The following CSMD1 variants were observed in gnomAD, a reference collection of about 807,000 sequenced individuals.
CSMD1 encodes the protein CUB and sushi domain-containing protein 1.
CSMD1 carries 213 observed loss-of-function variants against 417.5 expected under a neutral mutation model. The observed-to-expected ratio is 0.51, with a 90% CI of 0.46 to 0.57. The LOEUF (loss-of-function observed/expected upper bound fraction) is 0.57, where lower values mean the gene tolerates loss of function less well. Among genes scored for constraint, CSMD1 ranks in the 20% least tolerant of loss-of-function variants. The pLI is 0.00. For missense variants in CSMD1, 6,923 were observed against 4,529.7 expected, an observed-to-expected ratio of 1.53 and a Z score of -15.17; for synonymous variants, 2,862 against 1,736.8, an observed-to-expected ratio of 1.65 and a Z score of -16.11.
intron 3 of CSMD1, among the ~76,000 whole-genome samples, chr8:4,214,082 C>G (rs1049530233): frequency 2.0e-5 from 3 of 152,146 alleles, no homozygotes; most frequent in African/African-American, 4.8e-5. Flanking sequence ...ACTGAATTAT[C>G]CAGCATCTTA....
chr8:3,145,174 G>T (rs1818769657), intron 40 of CSMD1, among the ~76,000 whole-genome samples: 1 of 152,040 alleles, frequency 6.6e-6, no homozygotes, highest in Non-Finnish European at 1.5e-5. Context: ...TCCCAATCAG[G>T]CGGAATCAAG....
chr8:3,804,073 T>G (rs1433372932), intron 5 of CSMD1, among the ~76,000 whole-genome samples: 2 of 152,042 alleles, frequency 1.3e-5, no homozygotes, highest in Non-Finnish European at 2.9e-5. Context: ...ATTACAGACG[T>G]GCACCACCAC....
At chr8:3,733,339 G>A (rs1393964916) in intron 6 of CSMD1, among the ~76,000 whole-genome samples, 12 of 145,084 alleles carry the variant, frequency 8.3e-5, no homozygotes, top group African/African-American at 3.0e-4. Context: ...TATATACACA[G>A]ACATATATAT....
intron 4 of CSMD1, among the ~76,000 whole-genome samples, chr8:4,013,623 T>C (rs1209679422): frequency 1.3e-5 from 2 of 152,206 alleles, no homozygotes; most frequent in African/African-American, 4.8e-5. Flanking sequence ...CTCATTTGCT[T>C]ATTTATGTTA....
intron 2 of CSMD1, among the ~76,000 whole-genome samples, chr8:4,440,280 T>C (rs1798391557): frequency 6.6e-6 from 1 of 152,214 alleles, no homozygotes; most frequent in South Asian, 2.1e-4. Flanking sequence ...GCTCACAGCA[T>C]TGGTACTATA....
At chr8:3,829,905 G>A (rs956720018) in intron 5 of CSMD1, among the ~76,000 whole-genome samples, 1 of 151,918 alleles carries the variant, frequency 6.6e-6, no homozygotes, top group Non-Finnish European at 1.5e-5. Flanking sequence ...TAGATCTATT[G>A]GGAAAATGAA....
At chr8:3,295,808 T>C (rs1320727776) in intron 25 of CSMD1, among the ~76,000 whole-genome samples, 1 of 152,194 alleles carries the variant, frequency 6.6e-6, no homozygotes, top group Non-Finnish European at 1.5e-5. Context: ...TTAAATTACT[T>C]TCCCTGATCA....
chr8:3,748,828 T>C (rs1797179933), intron 6 of CSMD1, among the ~76,000 whole-genome samples: 1 of 152,220 alleles, frequency 6.6e-6, no homozygotes, highest in Non-Finnish European at 1.5e-5. Context: ...TAGGGAACTA[T>C]AACCTAAAAA....
At chr8:4,454,872 T>G (rs973632476) in intron 2 of CSMD1, among the ~76,000 whole-genome samples, 1 of 152,178 alleles carries the variant, frequency 6.6e-6, no homozygotes, top group Non-Finnish European at 1.5e-5. Flanking sequence ...AAACTTAATC[T>G]AAATGGCGTC....
At chr8:4,841,475 A>C (rs1382837033) in intron 1 of CSMD1, among the ~76,000 whole-genome samples, 1 of 152,222 alleles carries the variant, frequency 6.6e-6, no homozygotes, top group Non-Finnish European at 1.5e-5. Flanking sequence ...AAACTAGCAA[A>C]GGAAATACCA....
rs118010868 is a variant in CSMD1 at position 4,458,396 on chromosome 8, T to G, written c.303-38331A>C. Among the ~76,000 whole-genome samples, 723 of 152,238 alleles carry G rather than the reference T, an allele frequency of 4.7e-3. 4 individuals are homozygous for G. Among genetic ancestry groups the G allele is most frequent in the Non-Finnish European group, 7.9e-3 (540 of 68,018 alleles). On this transcript the variant is annotated intron_variant, in intron 2 of 69. Transcript: ENST00000635120. ...TTATAAACCTAAAGTTATTACAAGTTTATGGGGATTATTGGCAGTGATTTT... is the reference window on the plus strand; with the variant it reads ...TTATAAACCTAAAGTTATTACAAGTGTATGGGGATTATTGGCAGTGATTTT...
chr8:3,673,067 A>G (rs757390652), intron 7 of CSMD1, among the ~76,000 whole-genome samples: 13 of 152,222 alleles, frequency 8.5e-5, no homozygotes, highest in Non-Finnish European at 1.8e-4. Flanking sequence ...TATGATTGAT[A>G]TACTGTAAAT....
chr8:4,237,934 GAGA>G (rs1802164824), intron 3 of CSMD1, among the ~76,000 whole-genome samples: 1 of 152,164 alleles, frequency 6.6e-6, no homozygotes, highest in Admixed American at 6.5e-5. Flanking sequence ...CTCACTGGCG[GAGA>G]AGCAGAGTCT....
chr8:3,548,563 G>C (rs1344388486), intron 10 of CSMD1, among the ~76,000 whole-genome samples: 2 of 151,588 alleles, frequency 1.3e-5, no homozygotes, highest in Middle Eastern at 3.4e-3. Flanking sequence ...TTCCATTCCT[G>C]AGTTACTTCA....
intron 3 of CSMD1, among the ~76,000 whole-genome samples, chr8:4,168,325 G>C (rs1443955096): frequency 1.3e-5 from 2 of 151,858 alleles, no homozygotes; most frequent in African/African-American, 2.4e-5. Context: ...GAGACCAAAA[G>C]GTCAAGGCTA....
intron 3 of CSMD1, among the ~76,000 whole-genome samples, chr8:4,076,816 G>C (rs950863098): frequency 1.3e-5 from 2 of 152,130 alleles, no homozygotes; most frequent in Non-Finnish European, 2.9e-5. Flanking sequence ...CGCAAGGCCA[G>C]CCATGCCTTT....
chr8:3,192,977 C>T (rs1472439135), intron 33 of CSMD1, among the ~76,000 whole-genome samples: 3 of 151,788 alleles, frequency 2.0e-5, no homozygotes, highest in African/African-American at 7.3e-5. Context: ...CCACAGTCAT[C>T]TCAAGGATCT....
Position 3,316,990 on chromosome 8 carries a change from A to G in CSMD1, c.3632-8487T>C, listed in dbSNP as rs145592657. Among the ~76,000 whole-genome samples, 26 of 152,276 alleles carry G rather than the reference A, an allele frequency of 1.7e-4. No homozygotes were observed. The East Asian group carries it at 3.5e-3, about 20-fold the overall frequency. Reference sequence around the variant, plus strand: ...GTGGATGTGGGGAGGGGATGAGGCAAGAGTGTGTGCGTGGATGAAGCATGC... The same window carrying G: ...GTGGATGTGGGGAGGGGATGAGGCAGGAGTGTGTGCGTGGATGAAGCATGC... On this transcript the variant is annotated intron_variant, in intron 23 of 69. Transcript: ENST00000635120.
At chr8:3,963,214 G>C (rs761362944) in intron 5 of CSMD1, among the ~76,000 whole-genome samples, 2 of 152,112 alleles carry the variant, frequency 1.3e-5, no homozygotes, top group African/African-American at 2.4e-5. Context: ...TCACAGGCTT[G>C]AGCCACCGCA....
Sources: gnomAD v4.1 joint callset for allele counts (sites outside exome capture counted in the v4.1 genomes callset) on GRCh38, gnomAD v4.1.1 for gene constraint, MANE v1.5 for transcripts, NCBI Gene and HGNC (gene_info 2026-07-23, HGNC 2026-07-21) for gene names.